Variants in THSD4 observed in about 807,000 individuals in gnomAD.
The protein encoded by THSD4 is thrombospondin type-1 domain-containing protein 4.
Under a neutral mutation model 119.0 loss-of-function variants are expected in THSD4, and 69 were observed. The ratio of observed to expected loss-of-function variants is 0.58; its 90% CI spans 0.48 to 0.71. The LOEUF is 0.71. Ranked by LOEUF, THSD4 falls within the 30% of genes least tolerant of loss-of-function variation. The probability of loss-of-function intolerance (pLI) is 0.00; values close to 1 mark genes in which losing one functional copy is unlikely to be tolerated. For missense variants in THSD4, 1,393 were observed against 1,391.1 expected (o/e 1.00, Z -0.02); for synonymous variants, 524 against 540.4 (o/e 0.97, Z 0.42).
At position 71,450,224 on chromosome 15, in the gene THSD4, G is replaced by A. The variant is rs2047243122; in HGVS notation, c.1152+38401G>A. 2.0e-5 allele frequency among the ~76,000 whole-genome samples: 3 copies of A among 152,216 alleles called. No homozygotes were observed. In the South Asian group the frequency reaches 6.2e-4, roughly 32 times the overall value. On this transcript the variant is annotated intron_variant, in intron 7 of 17. Coordinates refer to ENST00000261862, the MANE Select transcript of THSD4 (RefSeq NM_024817.3). The stretch of plus-strand genomic sequence containing the variant: ...GAATTGGGTGGCTGCGTGTCCATAT[G>A]CCTCATTTGACTGGCATAGCTGCCT...
chr15:71,351,897 C>T (rs74497804), intron 6 of THSD4, among the ~76,000 whole-genome samples: 3 of 152,150 alleles, frequency 2.0e-5, no homozygotes, highest in African/African-American at 7.2e-5. Context: ...TGTGTTTACC[C>T]TTCTCTGCAT....
intron 8 of THSD4, among the ~76,000 whole-genome samples, chr15:71,695,495 T>A (rs1463776795): frequency 7.0e-6 from 1 of 143,164 alleles, no homozygotes; most frequent in African/African-American, 2.8e-5. Flanking sequence ...AATATTTGTG[T>A]GTGTGCATGT....
At chr15:71,449,480 A>G (rs114304841) in intron 7 of THSD4, among the ~76,000 whole-genome samples, 1,914 of 152,258 alleles carry the variant, frequency 0.013, 39 homozygotes, top group African/African-American at 0.042. Flanking sequence ...CTCAGAAAAT[A>G]TGGAGGTGAT....
At chr15:71,413,088 T>G (rs1166294911) in intron 7 of THSD4, among the ~76,000 whole-genome samples, 1 of 152,228 alleles carries the variant, frequency 6.6e-6, no homozygotes, top group Non-Finnish European at 1.5e-5. Context: ...CTCAGCTCAC[T>G]GCAACCTCTG....
At chr15:71,539,109 A>G (rs1297276668) in intron 7 of THSD4, among the ~76,000 whole-genome samples, 3 of 152,222 alleles carry the variant, frequency 2.0e-5, no homozygotes, top group African/African-American at 7.2e-5. Flanking sequence ...GATTCTCATG[A>G]TTGTCCTTAT....
chr15:71,256,129 T>C (rs2044313263), intron 5 of THSD4, among the ~76,000 whole-genome samples: 1 of 152,232 alleles, frequency 6.6e-6, no homozygotes, highest in African/African-American at 2.4e-5. Flanking sequence ...ATGCAGGTTT[T>C]GAGCAAATGT....
chr15:71,306,172 G>C (rs1464407106), intron 6 of THSD4, among the ~76,000 whole-genome samples: 1 of 151,974 alleles, frequency 6.6e-6, no homozygotes, highest in Non-Finnish European at 1.5e-5. Flanking sequence ...CGGGCGTGGT[G>C]GTGGGCACCT....
chr15:71,559,763 T>G (rs544030363), intron 7 of THSD4, among the ~76,000 whole-genome samples: 2 of 152,340 alleles, frequency 1.3e-5, no homozygotes, highest in South Asian at 4.1e-4. Flanking sequence ...CTTTAGTTCC[T>G]TACTTTAACT....
At chr15:71,345,744 A>G (rs1273968327) in intron 6 of THSD4, among the ~76,000 whole-genome samples, 1 of 151,234 alleles carries the variant, frequency 6.6e-6, no homozygotes, top group East Asian at 1.9e-4. Context: ...CCCTAAAGAC[A>G]TTCCGTTAGA....
intron 3 of THSD4, among the ~76,000 whole-genome samples, chr15:71,160,188 A>C (rs1038286423): frequency 6.6e-6 from 1 of 151,472 alleles, no homozygotes; most frequent in Non-Finnish European, 1.5e-5. Flanking sequence ...ATTAGTGAAT[A>C]ATATTTATAA....
chr15:71,758,749 T>C (rs1349505541), intron 15 of THSD4, among the ~76,000 whole-genome samples: 2 of 152,218 alleles, frequency 1.3e-5, no homozygotes, highest in Admixed American at 6.5e-5. Flanking sequence ...ACTGTTTGGC[T>C]TATGATCATG....
At chr15:71,447,118 G>GTTTTTTTTT (rs1555414736) in intron 7 of THSD4, among the ~76,000 whole-genome samples, 7 of 76,068 alleles carry the variant, frequency 9.2e-5, no homozygotes, top group African/African-American at 1.4e-4. Context: ...CATTTTTTTT[G>GTTTTTTTTT]TTTTTTTTTT....
chr15:71,731,317 A>G, intron 10 of THSD4, 100 bp downstream of exon 10: 2 of 1,206,102 alleles, frequency 1.7e-6, no homozygotes, highest in South Asian at 2.6e-5. Context: ...CTCGGTCAAC[A>G]CAGAGAAAAT....
At chr15:71,497,835 T>C (rs1039050577) in intron 7 of THSD4, among the ~76,000 whole-genome samples, 2 of 152,232 alleles carry the variant, frequency 1.3e-5, no homozygotes, top group East Asian at 1.9e-4. Context: ...TAATGTATTT[T>C]AACTGTTATT....
intron 3 of THSD4, chr15:71,165,145 A>T (rs1405625905): frequency 9.4e-6 from 15 of 1,601,822 alleles, no homozygotes; most frequent in Non-Finnish European, 1.3e-5. Flanking sequence ...GTGCATTGGG[A>T]TCCTTGAACT....
chr15:71,373,758 A>G (rs2046092446), intron 6 of THSD4, among the ~76,000 whole-genome samples: 1 of 151,984 alleles, frequency 6.6e-6, no homozygotes, highest in Non-Finnish European at 1.5e-5. Context: ...AAAATCTGTG[A>G]CTCTGTGTGG....
chr15:71,441,397 A>ATTTTTTTTTTTTTT (rs1215547880), intron 7 of THSD4, among the ~76,000 whole-genome samples: 2 of 73,358 alleles, frequency 2.7e-5, no homozygotes, highest in Non-Finnish European at 5.0e-5. Context: ...CACCTGTAGA[A>ATTTTTTTTTTTTTT]TTTTTTTTTT....
chr15:71,399,414 A>C (rs1374008111), intron 6 of THSD4, among the ~76,000 whole-genome samples: 3 of 152,228 alleles, frequency 2.0e-5, no homozygotes, highest in African/African-American at 7.2e-5. Flanking sequence ...AGGGAAGAGA[A>C]GTTCCTGTCT....
intron 6 of THSD4, among the ~76,000 whole-genome samples, chr15:71,346,119 C>T (rs1311316629): frequency 3.5e-5 from 3 of 86,946 alleles, no homozygotes; most frequent in African/African-American, 6.8e-5. Context: ...ATTTAGTTGT[C>T]GCATCTCTGG....
Sources: gnomAD v4.1 joint callset for allele counts (sites outside exome capture counted in the v4.1 genomes callset) on GRCh38, gnomAD v4.1.1 for gene constraint, MANE v1.5 for transcripts, NCBI Gene and HGNC (gene_info 2026-07-23, HGNC 2026-07-21) for gene names.